Variants in ZNF283 observed in about 807,000 individuals in gnomAD.
The protein encoded by ZNF283 is zinc finger protein 41.
ZNF283 carries 10 observed loss-of-function variants against 9.2 expected under a neutral mutation model. That is an observed-to-expected ratio of 1.09 (90% CI 0.67 to 1.85). The LOEUF is 1.85. Among genes scored for constraint, ZNF283 ranks in the 40% most tolerant of loss-of-function variants. The pLI is 0.00. For missense variants in ZNF283, 631 were observed against 760.1 expected, an observed-to-expected ratio of 0.83 and a Z score of 2.00; for synonymous variants, 234 against 244.1, an observed-to-expected ratio of 0.96 and a Z score of 0.38.
In ZNF283 at chr19:43,847,674, G is replaced by A. The variant is rs1281571909; in HGVS notation, c.1073G>A (p.Arg358His). ...AAAGAATGTGGGAAGGCCTTCAGTC[G>A]TGGCTATCAGCTTACTCAGCATCAG... ...KCKECGKAFS[R>H]GYQLTQHQKI... The change falls in exon 7 of 7, where the codon CGT becomes CAT. Residue 358 changes from arginine (R) to histidine (H), a missense_variant. This residue lies in a region of ZNF283 where 444 missense variants were observed against 522.5 expected (regional missense o/e 0.85). Coordinates refer to ENST00000618787, the MANE Select transcript of ZNF283 (RefSeq NM_181845.2). 20 of 1,613,592 alleles carry A rather than the reference G, an allele frequency of 1.2e-5. No homozygotes were observed. Among genetic ancestry groups the A allele is most frequent in the East Asian group, 4.5e-5 (2 of 44,874 alleles).
Position 43,850,956 on chromosome 19 carries a change from T to A in ZNF283, c.*2315T>A, listed in dbSNP as rs1260548733. 6.6e-6 allele frequency: 1 copy of A among 152,222 alleles called. No individual in the cohort carries two copies. Among genetic ancestry groups the A allele is most frequent in the African/African-American group, 2.4e-5 (1 of 41,446 alleles). The allele number at this position is 152,222 out of a possible 1,614,324, so 9.4% of individuals were successfully genotyped here. ...GAACTAATGCATTGATAACTAAATGTCTGTGGTTCCTTGTCATAGGTCTAC... is the reference window on the plus strand; with the variant it reads ...GAACTAATGCATTGATAACTAAATGACTGTGGTTCCTTGTCATAGGTCTAC... On this transcript the variant is annotated 3_prime_UTR_variant, in exon 7 of 7. Coordinates refer to ENST00000618787, the MANE Select transcript of ZNF283 (RefSeq NM_181845.2).
Position 43,848,609 on chromosome 19 carries a change from A to C in ZNF283, c.2008A>C (p.Asn670His), listed in dbSNP as rs776182963. ...AGCCTTTCTGTGGACAACTTACTCA[A>C]ATGAGAAAATTGATACTGATGAAAC... ...GEAFLWTTYS[N>H]EKIDTDETL Residue 670 changes from asparagine (N) to histidine (H), a missense_variant, in exon 7 of 7, where the codon AAT (asparagine) becomes CAT (histidine). Physicochemically the swap from Asn to His is moderately conservative, Grantham distance 68 (BLOSUM62 1). Around this residue, in one of 3 missense-constraint regions of ZNF283, gnomAD observed 444 missense variants for 522.5 expected, o/e 0.85. Transcript: ENST00000618787. 24 of 1,571,766 alleles carry C rather than the reference A, an allele frequency of 1.5e-5. No individual in the cohort carries two copies. The African/African-American group carries it at 3.1e-4, about 21-fold the overall frequency.
chr19:43,828,654 A>T (rs1014399329), intron 2 of ZNF283, among the ~76,000 whole-genome samples: 4 of 151,782 alleles, frequency 2.6e-5, no homozygotes, highest in African/African-American at 9.7e-5. Flanking sequence ...CATAATTAAA[A>T]TTTTTTTTTA....
At chr19:43,836,321 A>G (rs1599717526) in intron 5 of ZNF283, among the ~76,000 whole-genome samples, 1 of 152,246 alleles carries the variant, frequency 6.6e-6, no homozygotes, top group Middle Eastern at 3.4e-3. Flanking sequence ...TACATTTGGA[A>G]AAAAGTTTTC....
intron 2 of ZNF283, among the ~76,000 whole-genome samples, chr19:43,830,718 T>C (rs1243930129): frequency 2.0e-5 from 3 of 151,680 alleles, no homozygotes; most frequent in African/African-American, 7.3e-5. Context: ...ACCTGACCAA[T>C]ATGGTGAAAT....
intron 6 of ZNF283, among the ~76,000 whole-genome samples, chr19:43,843,933 AGATTTTCTTCATATACTTCATATATAT>A (rs1211571146): frequency 6.6e-6 from 1 of 152,204 alleles, no homozygotes; most frequent in African/African-American, 2.4e-5. Context: ...ATGAGAGGCT[AGATTTTCTTCATATACTTCATATATAT>A]GATTTTCTTC....
At chr19:43,829,751 C>T (rs545355916) in intron 2 of ZNF283, among the ~76,000 whole-genome samples, 5 of 152,190 alleles carry the variant, frequency 3.3e-5, no homozygotes, top group Admixed American at 6.5e-5. Context: ...GGGCTGGGCA[C>T]GGTGGCTCAC....
At position 43,847,154 on chromosome 19, in the gene ZNF283, A is replaced by AT. The variant is rs758705490; in HGVS notation, c.554dup (p.Pro186ThrfsTer7). On this transcript the variant is annotated frameshift_variant, in exon 7 of 7. Coordinates refer to ENST00000618787, the MANE Select transcript of ZNF283 (RefSeq NM_181845.2). LOFTEE classifies it low-confidence loss of function (END_TRUNC). Reference sequence around the variant, plus strand: ...TCAAATGATAATCAGCTATGAAAAAATACCTTCTTACAGAAAAAGTAAATC... The same window carrying AT: ...TCAAATGATAATCAGCTATGAAAAAATTACCTTCTTACAGAAAAAGTAAATC... 1 of 1,613,586 alleles carries AT rather than the reference A, an allele frequency of 6.2e-7. No homozygotes were observed. The highest frequency in any genetic ancestry group is 1.3e-5 in the African/African-American group (1 of 75,034).
At chr19:43,842,290 C>T (rs537788882) in intron 6 of ZNF283, among the ~76,000 whole-genome samples, 4 of 152,168 alleles carry the variant, frequency 2.6e-5, no homozygotes, top group East Asian at 1.9e-4. Context: ...TTTCATTCCA[C>T]CTACATTTTA....
intron 6 of ZNF283, among the ~76,000 whole-genome samples, chr19:43,843,146 T>C (rs1389107903): frequency 6.6e-6 from 1 of 152,122 alleles, no homozygotes; most frequent in Non-Finnish European, 1.5e-5. Flanking sequence ...ATCGAGACCA[T>C]CCTGGCCAAC....
chr19:43,835,289 G>A lies in ZNF283; in HGVS notation c.123-216G>A, dbSNP rs151047484. Reference sequence around the variant, plus strand: ...ATTTCCTGGGCAGGACTGAATTGTCGAATCCCAGGTCCAGATTCACATCCT... The same window carrying A: ...ATTTCCTGGGCAGGACTGAATTGTCAAATCCCAGGTCCAGATTCACATCCT... On this transcript the variant is annotated intron_variant, in intron 4 of 6. Coordinates refer to ENST00000618787, the MANE Select transcript of ZNF283 (RefSeq NM_181845.2). Among the ~76,000 whole-genome samples the A allele has an allele frequency of 8.7e-4, 133 of 152,120 alleles. 2 individuals carry two copies. Among genetic ancestry groups the A allele is most frequent in the Middle Eastern group, 3.2e-3 (1 of 316 alleles).
At position 43,835,580 on chromosome 19, in the gene ZNF283, A is replaced by G; in HGVS notation, c.198A>G (p.Arg66=). The G allele has an allele frequency of 1.2e-6, 2 of 1,605,634 alleles. No homozygotes were observed. Among genetic ancestry groups the G allele is most frequent in the Non-Finnish European group, 1.7e-6 (2 of 1,174,648 alleles). Residue 66 remains arginine (R), a synonymous_variant, in exon 5 of 7, where the codon AGA becomes AGG. Transcript: ENST00000618787. ...HGALISSCNS[R]TMTDGLVTFR... Reference sequence around the variant, plus strand: ...CATTAATTAGTTCTTGCAATTCCAGAACCATGACTGATGTAAGTTGGTATT... The same window carrying G: ...CATTAATTAGTTCTTGCAATTCCAGGACCATGACTGATGTAAGTTGGTATT...
At chr19:43,841,637 T>C (rs1304928733) in intron 6 of ZNF283, among the ~76,000 whole-genome samples, 6 of 152,162 alleles carry the variant, frequency 3.9e-5, no homozygotes, top group Admixed American at 2.6e-4. Flanking sequence ...TTCACTGTGT[T>C]GGCCAGGCTG....
In ZNF283 at chr19:43,847,143, G is replaced by T; in HGVS notation, c.542G>T (p.Ser181Ile). 1 of 1,613,424 alleles carries T rather than the reference G, an allele frequency of 6.2e-7. No homozygotes were observed. The highest frequency in any genetic ancestry group is 2.2e-5 in the East Asian group (1 of 44,866). ...GGATACTTCAGTCAAATGATAATCA[G>T]CTATGAAAAAATACCTTCTTACAGA... ...QEGYFSQMIISYEKIPSYRKS... is the reference protein window; with the variant it reads ...QEGYFSQMIIIYEKIPSYRKS... The change falls in exon 7 of 7, where the codon AGC becomes ATC. Residue 181 changes from serine (S) to isoleucine (I), a missense_variant. Physicochemically the swap from Ser to Ile is moderately radical, Grantham distance 142. Transcript: ENST00000618787.
chr19:43,833,485 T>TTTC lies in ZNF283; in HGVS notation c.1-18_1-17insCTT. The TTTC allele has an allele frequency of 1.4e-5, 1 of 69,144 alleles. No individual in the cohort carries two copies. The highest frequency in any genetic ancestry group is 2.9e-5 in the Non-Finnish European group (1 of 34,378). The allele number at this position is 69,144 out of a possible 1,614,324, so 4.3% of individuals were successfully genotyped here. A position where few individuals can be genotyped will look rare whatever the true frequency, so the allele number is the denominator to read the frequency against. ...TGTTTCTTTCTTCTTTACCTATTTC[T>TTTC]TTTTTTTTTTTTTTTTCAGATGGAG... On this transcript the variant is annotated intron_variant, in intron 3 of 6. Coordinates refer to ENST00000618787, the MANE Select transcript of ZNF283 (RefSeq NM_181845.2).
chr19:43,846,407 C>T (rs916270834), intron 6 of ZNF283, among the ~76,000 whole-genome samples: 1 of 152,074 alleles, frequency 6.6e-6, no homozygotes, highest in Non-Finnish European at 1.5e-5. Flanking sequence ...GGTTGGAAAA[C>T]TCTGGCTCTG....
intron 6 of ZNF283, 142 bp downstream of exon 6, chr19:43,837,321 G>C (rs887378680): frequency 2.4e-6 from 2 of 835,532 alleles, no homozygotes; most frequent in Non-Finnish European, 3.5e-6. Flanking sequence ...TACTTGCTGG[G>C]TTAGAAATGG....
chr19:43,829,966 T>A (rs183017611), intron 2 of ZNF283, among the ~76,000 whole-genome samples: 1 of 152,096 alleles, frequency 6.6e-6, no homozygotes, highest in Non-Finnish European at 1.5e-5. Flanking sequence ...GAGGTTGTAG[T>A]GTGCCGAGAT....
chr19:43,829,651 A>G (rs1970616053), intron 2 of ZNF283, among the ~76,000 whole-genome samples: 1 of 152,186 alleles, frequency 6.6e-6, no homozygotes, highest in Non-Finnish European at 1.5e-5. Context: ...GGGCTCTTCT[A>G]GATTATTTCC....
Sources: gnomAD v4.1 joint callset for allele counts (sites outside exome capture counted in the v4.1 genomes callset) on GRCh38, gnomAD v4.1.1 for gene constraint, gnomAD v4.1.1 regional missense constraint, MANE v1.5 for transcripts, NCBI Gene and HGNC (gene_info 2026-07-23, HGNC 2026-07-21) for gene names.